CYTL1: variants seen among roughly 807,000 people sequenced by gnomAD.
CYTL1 encodes the protein cytokine like 1, also known as cytokine-like protein 1.
CYTL1 carries 17 observed loss-of-function variants against 13.1 expected under a neutral mutation model. That is an observed-to-expected ratio of 1.29 (90% CI 0.89 to 1.94). The LOEUF (loss-of-function observed/expected upper bound fraction) is 1.94. Ranked by LOEUF, CYTL1 falls within the 30% of genes most tolerant of loss-of-function variation. The pLI is 0.00. For missense variants in CYTL1, 213 were observed against 174.8 expected (o/e 1.22, Z -1.23); for synonymous variants, 91 against 79.4 (o/e 1.15, Z -0.78).
intron 3 of CYTL1, among the ~76,000 whole-genome samples, chr4:5,015,773 C>G (rs1741059484): frequency 6.6e-6 from 1 of 152,206 alleles, no homozygotes; most frequent in African/African-American, 2.4e-5. Flanking sequence ...GAGGAGCTTA[C>G]TCTGGGCTAG....
chr4:5,014,684 A>C lies in CYTL1; in HGVS notation c.*467T>G, dbSNP rs1741030669. Reference sequence around the variant, plus strand: ...GTAAAATATATATCTTAAGAGCATTAATTTCTTTTTAAATGAAAGACAGTG... The same window carrying C: ...GTAAAATATATATCTTAAGAGCATTCATTTCTTTTTAAATGAAAGACAGTG... On this transcript the variant is annotated 3_prime_UTR_variant, in exon 4 of 4. Transcript: ENST00000307746. 1 of 186,064 alleles carries C rather than the reference A, an allele frequency of 5.4e-6. No individual in the cohort carries two copies. The allele number at this position is 186,064 out of a possible 1,614,324, so 11.5% of individuals were successfully genotyped here. A position where few individuals can be genotyped will look rare whatever the true frequency, so the allele number is the denominator to read the frequency against.
rs1741148590 is a variant in CYTL1 at position 5,019,379 on chromosome 4, T to C, written c.67A>G (p.Thr23Ala). ...ATGCGGGAGTAGCAGGTCGGGGGAG[T>C]GGGCCGCGCGGCGGGGGCTCCCGCC... is the stretch of plus-strand genomic sequence containing the variant. Reference protein sequence around the residue: ...LLAGAPAARPTPPTCYSRMRA... With the variant: ...LLAGAPAARPAPPTCYSRMRA... Residue 23 changes from threonine (T) to alanine (A), a missense_variant, in exon 1 of 4, where the codon ACT becomes GCT. Thr to Ala is a moderately conservative substitution (Grantham distance 58). Coordinates refer to ENST00000307746, the MANE Select transcript of CYTL1 (RefSeq NM_018659.3). The C allele has an allele frequency of 2.0e-6, 3 of 1,499,080 alleles. No individual in the cohort carries two copies. Among genetic ancestry groups the C allele is most frequent in the Admixed American group, 2.7e-5 (1 of 36,820 alleles). 92.9% of individuals were successfully genotyped at this position (1,499,080 alleles called of 1,614,324 possible).
At chr4:5,019,238 G>A in intron 1 of CYTL1, 55 bp downstream of exon 1, 2 of 1,346,478 alleles carry the variant, frequency 1.5e-6, no homozygotes, top group Non-Finnish European at 1.9e-6. Context: ...TAAAGGCAAG[G>A]GTTTAAGAAC....
At chr4:5,018,247 G>A (rs573007553) in intron 1 of CYTL1, among the ~76,000 whole-genome samples, 7 of 152,248 alleles carry the variant, frequency 4.6e-5, no homozygotes, top group African/African-American at 1.7e-4. Context: ...ATACCTATAT[G>A]TAGACAGAAA....
intron 1 of CYTL1, among the ~76,000 whole-genome samples, 181 bp from the exon 2 acceptor site, chr4:5,017,360 G>A (rs958952413): frequency 1.3e-5 from 2 of 152,184 alleles, no homozygotes; most frequent in African/African-American, 2.4e-5. Flanking sequence ...GGGCGACTGC[G>A]CTTCCGGAAT....
chr4:5,016,350 A>G (rs1741071847), intron 3 of CYTL1, among the ~76,000 whole-genome samples: 1 of 152,214 alleles, frequency 6.6e-6, no homozygotes, highest in South Asian at 2.1e-4. Context: ...ACAGACTAAG[A>G]CAGGCACTCC....
intron 1 of CYTL1, among the ~76,000 whole-genome samples, chr4:5,017,636 A>T (rs1410923887): frequency 1.3e-5 from 2 of 150,274 alleles, no homozygotes; most frequent in African/African-American, 4.9e-5. Flanking sequence ...ATACTTATAT[A>T]ATAACTTATA....
chr4:5,016,732 T>C, intron 3 of CYTL1, 104 bp downstream of exon 3: 2 of 1,404,802 alleles, frequency 1.4e-6, no homozygotes, highest in South Asian at 2.6e-5. Flanking sequence ...ACATCTCTGC[T>C]CCTCTTCCTT....
At position 5,019,328 on chromosome 4, in the gene CYTL1, G is replaced by A. The variant is rs774395590; in HGVS notation, c.118C>T (p.Arg40Cys). ...RMRALSQEITRDFNLLQVSEP... is the reference protein window; with the variant it reads ...RMRALSQEITCDFNLLQVSEP... Reference sequence around the variant, plus strand: ...GAGACCTGCAGGAGGTTGAAGTCGCGGGTGATCTCCTGGCTCAGGGCCCGC... The same window carrying A: ...GAGACCTGCAGGAGGTTGAAGTCGCAGGTGATCTCCTGGCTCAGGGCCCGC... The change falls in exon 1 of 4, where the codon CGC (arginine) becomes TGC (cysteine). Residue 40 changes from arginine (R) to cysteine (C), a missense_variant. Physicochemically the swap from Arg to Cys is radical, Grantham distance 180 (BLOSUM62 -3). Coordinates refer to ENST00000307746, the MANE Select transcript of CYTL1 (RefSeq NM_018659.3). 4 of 1,513,460 alleles carry A rather than the reference G, an allele frequency of 2.6e-6. No homozygotes were observed. The highest frequency in any genetic ancestry group is 1.3e-5 in the South Asian group (1 of 78,052). 93.8% of individuals were successfully genotyped at this position (1,513,460 alleles called of 1,614,324 possible). A position where few individuals can be genotyped will look rare whatever the true frequency, so the allele number is the denominator to read the frequency against.
chr4:5,019,279 G>T lies in CYTL1; in HGVS notation c.153+14C>A. The T allele has an allele frequency of 2.0e-6, 3 of 1,474,358 alleles. No homozygotes were observed. The highest frequency in any genetic ancestry group is 2.7e-6 in the Non-Finnish European group (3 of 1,115,590). The allele number at this position is 1,474,358 out of a possible 1,614,324, so 91.3% of individuals were successfully genotyped here. A position where few individuals can be genotyped will look rare whatever the true frequency, so the allele number is the denominator to read the frequency against. Reference sequence around the variant, plus strand: ...CTGCCATGCACCCCTGTCCTGAGCGGGCGGGGGACTCACCGAGGGCTCCGA... The same window carrying T: ...CTGCCATGCACCCCTGTCCTGAGCGTGCGGGGGACTCACCGAGGGCTCCGA... On this transcript the variant is annotated intron_variant, in intron 1 of 3. Coordinates refer to ENST00000307746, the MANE Select transcript of CYTL1 (RefSeq NM_018659.3).
At chr4:5,017,436 C>T (rs116765458) in intron 1 of CYTL1, among the ~76,000 whole-genome samples, 2,545 of 152,146 alleles carry the variant, frequency 0.017, 48 homozygotes, top group African/African-American at 0.058. Flanking sequence ...ATATGCATAC[C>T]CATTCAGAAA....
chr4:5,015,754 C>A (rs888062967), intron 3 of CYTL1, among the ~76,000 whole-genome samples: 3 of 152,196 alleles, frequency 2.0e-5, no homozygotes, highest in African/African-American at 7.2e-5. Context: ...CTAATTACTG[C>A]AGTTTCCAGA....
At chr4:5,017,771 GT>G (rs1306805138) in intron 1 of CYTL1, among the ~76,000 whole-genome samples, 1 of 152,058 alleles carries the variant, frequency 6.6e-6, no homozygotes, top group African/African-American at 2.4e-5. Flanking sequence ...CTAATATGTA[GT>G]TGTATATAGT....
intron 1 of CYTL1, among the ~76,000 whole-genome samples, chr4:5,018,425 A>G (rs1741125004): frequency 6.6e-6 from 1 of 152,270 alleles, no homozygotes; most frequent in Admixed American, 6.5e-5. Flanking sequence ...TAAAAAGAAA[A>G]TACCAAGAAG....
intron 1 of CYTL1, among the ~76,000 whole-genome samples, chr4:5,019,016 T>TC (rs1450208940): frequency 1.3e-5 from 2 of 148,372 alleles, no homozygotes; most frequent in East Asian, 3.9e-4. Flanking sequence ...TTTTTTTTTT[T>TC]TTTTTTTTTT....
chr4:5,017,474 A>G (rs1208432544), intron 1 of CYTL1, among the ~76,000 whole-genome samples: 1 of 152,216 alleles, frequency 6.6e-6, no homozygotes, highest in Admixed American at 6.5e-5. Context: ...ACATAAAAGC[A>G]GTCCTATAAC....
intron 1 of CYTL1, among the ~76,000 whole-genome samples, chr4:5,017,693 G>GTAATTAATTGTAATTATT (rs1741104887): frequency 6.6e-6 from 1 of 151,254 alleles, no homozygotes; most frequent in Non-Finnish European, 1.5e-5. Flanking sequence ...TGTAATTATA[G>GTAATTAATTGTAATTATT]ACATTATATA....
In CYTL1 at chr4:5,019,426, A is replaced by C; in HGVS notation, c.20T>G (p.Leu7Arg). 6.8e-7 allele frequency: 1 copy of C among 1,481,200 alleles called. No homozygotes were observed. The highest frequency in any genetic ancestry group is 1.5e-5 in the African/African-American group (1 of 68,264). 91.8% of individuals were successfully genotyped at this position (1,481,200 alleles called of 1,614,324 possible). A position where few individuals can be genotyped will look rare whatever the true frequency, so the allele number is the denominator to read the frequency against. Residue 7 changes from leucine to arginine, a missense_variant, in exon 1 of 4, where the codon CTG (leucine) becomes CGG (arginine). Leu to Arg is a moderately radical substitution (Grantham distance 102). Transcript: ENST00000307746. MRTPGP[L>R]PVLLLLLAGA... is the part of the protein sequence containing the mutation. ...CGCCAGGAGCAGCAGCAGCACGGGCAGAGGCCCAGGCGTCCTCATGGTGCC... is the reference window on the plus strand; with the variant it reads ...CGCCAGGAGCAGCAGCAGCACGGGCCGAGGCCCAGGCGTCCTCATGGTGCC...
chr4:5,014,931 G>T lies in CYTL1; in HGVS notation c.*220C>A. On this transcript the variant is annotated 3_prime_UTR_variant, in exon 4 of 4. Coordinates refer to ENST00000307746, the MANE Select transcript of CYTL1 (RefSeq NM_018659.3). ...GCTGTGTATCTAACCATCCTGGCAA[G>T]ACATGAGTCAAGGGAATGAGAAGCA... 1 of 546,690 alleles carries T rather than the reference G, an allele frequency of 1.8e-6. No homozygotes were observed. Among genetic ancestry groups the T allele is most frequent in the South Asian group, 2.2e-5 (1 of 45,254 alleles). 33.9% of individuals were successfully genotyped at this position (546,690 alleles called of 1,614,324 possible). A position where few individuals can be genotyped will look rare whatever the true frequency, so the allele number is the denominator to read the frequency against.
Sources: allele counts gnomAD v4.1 joint callset (sites outside exome capture counted in the v4.1 genomes callset), GRCh38; gene constraint gnomAD v4.1.1; transcripts MANE v1.5; gene names NCBI Gene and HGNC (gene_info 2026-07-23, HGNC 2026-07-21).